CTRB1: variants seen among roughly 807,000 people sequenced by gnomAD.
CTRB1 encodes chymotrypsinogen B.
CTRB1 carries 15 observed loss-of-function variants against 20.4 expected under a neutral mutation model. The observed-to-expected ratio is 0.74, with a 90% CI of 0.49 to 1.13. CTRB1 has a LOEUF of 1.13. Ranked by LOEUF, CTRB1 falls within the 50% of genes most tolerant of loss-of-function variation. CTRB1 has a pLI of 0.00. For missense variants in CTRB1, 227 were observed against 290.1 expected, an observed-to-expected ratio of 0.78 and a Z score of 1.58; for synonymous variants, 92 against 128.4, an observed-to-expected ratio of 0.72 and a Z score of 1.92.
rs367922168 is a variant in CTRB1 at position 75,221,656 on chromosome 16, G to C, written c.53-1112G>C. Among the ~76,000 whole-genome samples, 798 of 152,108 alleles carry C rather than the reference G, an allele frequency of 5.2e-3. 5 individuals carry two copies. The highest frequency in any genetic ancestry group is 0.031 in the South Asian group (150 of 4,812). On this transcript the variant is annotated intron_variant, in intron 1 of 6. Coordinates refer to ENST00000361017, the MANE Select transcript of CTRB1 (RefSeq NM_001906.6). ...ATTACAGGCGTGAGCCACTGTGCTGGCCAAAGTCCAGTTTTATTAAATAAG... is the reference window on the plus strand; with the variant it reads ...ATTACAGGCGTGAGCCACTGTGCTGCCCAAAGTCCAGTTTTATTAAATAAG...
intron 6 of CTRB1, among the ~76,000 whole-genome samples, chr16:75,224,409 GCCCT>G (rs1001553982): frequency 6.6e-6 from 1 of 152,198 alleles, no homozygotes; most frequent in African/African-American, 2.4e-5. Flanking sequence ...GGCTCCAGCA[GCCCT>G]CCCTCCCTCA....
chr16:75,224,647 C>T (rs1238529485), intron 6 of CTRB1, 58 bp from the exon 7 acceptor site: 29 of 1,545,156 alleles, frequency 1.9e-5, no homozygotes, highest in Non-Finnish European at 2.4e-5. Context: ...GTCCAGTGGC[C>T]CCTGGGACCA....
At chr16:75,219,433 C>T (rs140212040) in intron 1 of CTRB1, among the ~76,000 whole-genome samples, 76 of 151,882 alleles carry the variant, frequency 5.0e-4, no homozygotes, top group African/African-American at 1.5e-3. Context: ...CTCCTATTGC[C>T]GAGGCTGGAG....
In CTRB1 at chr16:75,219,130, C is replaced by T. The variant is rs570657605; in HGVS notation, c.52+71C>T. The T allele has an allele frequency of 8.0e-5, 119 of 1,485,516 alleles. No individual in the cohort carries two copies. The South Asian group carries it at 1.3e-3, about 16-fold the overall frequency. The allele number at this position is 1,485,516 out of a possible 1,614,324, so 92.0% of individuals were successfully genotyped here. ...CTGGCTGAGAGGGGGATCTGAGTCC[C>T]CTGCTCTGCCCCCTGGGGCCTCATC... is the stretch of plus-strand genomic sequence containing the variant. On this transcript the variant is annotated intron_variant, in intron 1 of 6. Coordinates refer to ENST00000361017, the MANE Select transcript of CTRB1 (RefSeq NM_001906.6).
intron 1 of CTRB1, 162 bp from the exon 2 acceptor site, chr16:75,222,606 G>C: frequency 1.4e-6 from 1 of 724,382 alleles, no homozygotes; most frequent in South Asian, 2.0e-5. Context: ...GGGAACGTTT[G>C]AGCCTAGAGA....
At chr16:75,220,754 CTTAT>C (rs67227437) in intron 1 of CTRB1, among the ~76,000 whole-genome samples, 108,241 of 151,264 alleles carry the variant, frequency 0.72, 39,064 homozygotes, top group East Asian at 0.97. Context: ...ATCTAGTTCT[CTTAT>C]TTATTTATTT....
Position 75,222,778 on chromosome 16 carries a change from C to T in CTRB1, c.63C>T (p.Val21=), listed in dbSNP as rs1276859202. Residue 21 remains valine (V), a synonymous_variant, in exon 2 of 7, where the codon GTC becomes GTT. Transcript: ENST00000361017. Reference sequence around the variant, plus strand: ...CCCACTCCCCCCCAGGCTGCGGGGTCCCCGCCATCCACCCTGTGCTCAGCG... The same window carrying T: ...CCCACTCCCCCCCAGGCTGCGGGGTTCCCGCCATCCACCCTGTGCTCAGCG... ...SLVGAAFGCG[V]PAIHPVLSGL... 3 of 1,556,048 alleles carry T rather than the reference C, an allele frequency of 1.9e-6. No individual in the cohort carries two copies. The highest frequency in any genetic ancestry group is 2.4e-5 in the East Asian group (1 of 41,536).
chr16:75,221,446 G>T (rs1037830823), intron 1 of CTRB1, among the ~76,000 whole-genome samples: 1 of 151,974 alleles, frequency 6.6e-6, no homozygotes, highest in African/African-American at 2.4e-5. Context: ...TGCAACCTCT[G>T]TCCCCCAGGT....
At position 75,222,775 on chromosome 16, in the gene CTRB1, G is replaced by C; in HGVS notation, c.60G>C (p.Gly20=). ...CACCCCACTCCCCCCCAGGCTGCGG[G>C]GTCCCCGCCATCCACCCTGTGCTCA... The part of the protein sequence containing the change: ...FSLVGAAFGC[G]VPAIHPVLSG... The change falls in exon 2 of 7, where the codon GGG becomes GGC. Residue 20 remains glycine (G), a synonymous_variant. Coordinates refer to ENST00000361017, the MANE Select transcript of CTRB1 (RefSeq NM_001906.6). The C allele has an allele frequency of 6.4e-7, 1 of 1,556,762 alleles. No individual in the cohort carries two copies. The highest frequency in any genetic ancestry group is 1.2e-5 in the South Asian group (1 of 84,934).
Position 75,219,627 on chromosome 16 carries a change from C to A in CTRB1, c.52+568C>A, listed in dbSNP as rs146509154. Among the ~76,000 whole-genome samples, 4 of 152,158 alleles carry A rather than the reference C, an allele frequency of 2.6e-5. No individual in the cohort carries two copies. In the East Asian group the frequency reaches 7.7e-4, roughly 29 times the overall value. ...TTGAACTCCTGACCTCAGGTGATGC[C>A]CCCGCCTCGGCCTCCCAAAGTGCTG... is the stretch of plus-strand genomic sequence containing the variant. On this transcript the variant is annotated intron_variant, in intron 1 of 6. Transcript: ENST00000361017.
chr16:75,219,345 C>T (rs142111383), intron 1 of CTRB1, among the ~76,000 whole-genome samples: 3 of 151,198 alleles, frequency 2.0e-5, no homozygotes, highest in Non-Finnish European at 2.9e-5. Context: ...AGGCCTCCAC[C>T]GGGGTTTTTA....
chr16:75,222,742 C>T (rs777183216), intron 1 of CTRB1, 26 bp from the exon 2 acceptor site: 39 of 1,548,304 alleles, frequency 2.5e-5, no homozygotes, highest in South Asian at 2.4e-4. Context: ...GGGGCCTCAG[C>T]CCTTATTCAC....
In CTRB1 at chr16:75,222,814, G is replaced by T; in HGVS notation, c.99G>T (p.Arg33Ser). The change falls in exon 2 of 7, where the codon AGG becomes AGT. Residue 33 changes from arginine (R) to serine (S), a missense_variant. This residue lies in a region of CTRB1 where 71 missense variants were observed against 69.1 expected (regional missense o/e 1.03). Transcript: ENST00000361017. ...AIHPVLSGLS[R>S]IVNGEDAVPG... The stretch of plus-strand genomic sequence containing the variant: ...ACCCTGTGCTCAGCGGCCTGTCCAG[G>T]ATCGTGAATGGGGAGGACGCCGTCC... 4 of 1,548,720 alleles carry T rather than the reference G, an allele frequency of 2.6e-6. No individual in the cohort carries two copies. Among genetic ancestry groups the T allele is most frequent in the South Asian group, 1.2e-5 (1 of 83,990 alleles).
rs369595328 is a variant in CTRB1 at position 75,222,764 on chromosome 16, C to A, written c.53-4C>A. On this transcript the variant is annotated splice_polypyrimidine_tract_variant and splice_region_variant and intron_variant, in intron 1 of 6. Coordinates refer to ENST00000361017, the MANE Select transcript of CTRB1 (RefSeq NM_001906.6). ...CAGCCCTTATTCACCCCACTCCCCCCCAGGCTGCGGGGTCCCCGCCATCCA... is the reference window on the plus strand; with the variant it reads ...CAGCCCTTATTCACCCCACTCCCCCACAGGCTGCGGGGTCCCCGCCATCCA... 58 of 1,557,248 alleles carry A rather than the reference C, an allele frequency of 3.7e-5. 1 individual carries two copies. The highest frequency in any genetic ancestry group is 2.6e-4 in the East Asian group (11 of 41,620).
At chr16:75,222,605 T>G (rs1597131411) in intron 1 of CTRB1, 163 bp from the exon 2 acceptor site, 1 of 721,950 alleles carries the variant, frequency 1.4e-6, no homozygotes, top group Non-Finnish European at 2.2e-6. Context: ...TGGGAACGTT[T>G]GAGCCTAGAG....
At chr16:75,222,462 T>G (rs8045196) in intron 1 of CTRB1, 352,201 of 447,448 alleles carry the variant, frequency 0.79, 140,094 homozygotes, top group East Asian at 0.98. Context: ...GGAAAGTGTG[T>G]CCTCGAGGCT....
At chr16:75,224,406 G>A (rs1347021938) in intron 6 of CTRB1, among the ~76,000 whole-genome samples, 1 of 152,206 alleles carries the variant, frequency 6.6e-6, no homozygotes, top group Non-Finnish European at 1.5e-5. Flanking sequence ...GCGGGCTCCA[G>A]CAGCCCTCCC....
intron 6 of CTRB1, 140 bp downstream of exon 6, chr16:75,224,328 C>A: frequency 6.7e-7 from 1 of 1,483,142 alleles, no homozygotes; most frequent in Non-Finnish European, 9.1e-7. Context: ...ATTCCATGGC[C>A]AATGTCAGAG....
At chr16:75,221,045 A>G (rs935124651) in intron 1 of CTRB1, among the ~76,000 whole-genome samples, 2 of 152,026 alleles carry the variant, frequency 1.3e-5, no homozygotes, top group Non-Finnish European at 2.9e-5. Flanking sequence ...TTTTGCTATT[A>G]CAATACCAGT....
Sources: allele counts gnomAD v4.1 joint callset (sites outside exome capture counted in the v4.1 genomes callset), GRCh38; gene constraint gnomAD v4.1.1; regional missense constraint gnomAD v4.1.1; transcripts MANE v1.5; gene names NCBI Gene and HGNC (gene_info 2026-07-23, HGNC 2026-07-21).